Variants in SNTG2 observed in about 807,000 individuals in gnomAD.
The protein encoded by SNTG2 is syntrophin gamma 2.
Under a neutral mutation model 70.9 loss-of-function variants are expected in SNTG2, and 74 were observed. That is an observed-to-expected ratio of 1.04 (90% CI 0.86 to 1.27). SNTG2 has a LOEUF of 1.27. Among genes scored for constraint, SNTG2 ranks in the 50% most tolerant of loss-of-function variants. The pLI is 0.00. For missense variants in SNTG2, 717 were observed against 690.7 expected (o/e 1.04, Z -0.43); for synonymous variants, 278 against 273.8 (o/e 1.02, Z -0.15).
chr2:1,172,391 A>T (rs183910076), intron 7 of SNTG2, among the ~76,000 whole-genome samples: 97 of 152,352 alleles, frequency 6.4e-4, no homozygotes, highest in Admixed American at 1.6e-3. Flanking sequence ...ACACTAAGCC[A>T]CATGGGAGCT....
In SNTG2 at chr2:1,209,166, A is replaced by G; in HGVS notation, c.655A>G (p.Thr219Ala). 6.2e-7 allele frequency: 1 copy of G among 1,613,938 alleles called. No individual in the cohort carries two copies. Among genetic ancestry groups the G allele is most frequent in the Non-Finnish European group, 8.5e-7 (1 of 1,179,884 alleles). ...GAGGTATGAGAAGCGCTGGCTGGACACCTTGTCCGTGCCTCTGTCCATGGC... is the reference window on the plus strand; with the variant it reads ...GAGGTATGAGAAGCGCTGGCTGGACGCCTTGTCCGTGCCTCTGTCCATGGC... ...DPRYEKRWLD[T>A]LSVPLSMARI... The change falls in exon 9 of 17, where the codon ACC becomes GCC. Residue 219 changes from threonine to alanine, a missense_variant. Physicochemically the swap from Thr to Ala is moderately conservative, Grantham distance 58. Coordinates refer to ENST00000308624, the MANE Select transcript of SNTG2 (RefSeq NM_018968.4).
chr2:954,372 G>GA (rs144540876), intron 1 of SNTG2, among the ~76,000 whole-genome samples: 5,968 of 152,156 alleles, frequency 0.039, 381 homozygotes, highest in African/African-American at 0.14. Context: ...TCTTTAATTA[G>GA]TTCTAGAGGT....
At chr2:1,314,512 T>A (rs1177925397) in intron 15 of SNTG2, among the ~76,000 whole-genome samples, 1 of 151,920 alleles carries the variant, frequency 6.6e-6, no homozygotes, top group African/African-American at 2.4e-5. Flanking sequence ...AGGGCAGGAG[T>A]GGCTCGGGCA....
At chr2:1,233,795 C>T (rs28727515) in intron 9 of SNTG2, among the ~76,000 whole-genome samples, 48,194 of 151,964 alleles carry the variant, frequency 0.32, 9,103 homozygotes, top group African/African-American at 0.53. Context: ...TCTAAGGGCA[C>T]GAGGAAACCC....
intron 1 of SNTG2, among the ~76,000 whole-genome samples, chr2:969,258 C>A (rs1377148169): frequency 6.6e-6 from 1 of 152,058 alleles, no homozygotes; most frequent in African/African-American, 2.4e-5. Flanking sequence ...GCTGTTTTGG[C>A]CACTGTAGCT....
intron 1 of SNTG2, among the ~76,000 whole-genome samples, chr2:965,510 G>A (rs1236825661): frequency 6.9e-6 from 1 of 145,270 alleles, no homozygotes; most frequent in Non-Finnish European, 1.5e-5. Flanking sequence ...GTCTTCTTCA[G>A]GGTCCCCTCC....
chr2:971,630 G>GT (rs1484551032), intron 1 of SNTG2, among the ~76,000 whole-genome samples: 2 of 148,686 alleles, frequency 1.3e-5, no homozygotes, highest in Non-Finnish European at 3.0e-5. Context: ...TCTTTTGTAT[G>GT]TTTTTTCATG....
chr2:1,323,911 G>T (rs1157023739), intron 16 of SNTG2, among the ~76,000 whole-genome samples: 2 of 150,916 alleles, frequency 1.3e-5, no homozygotes, highest in Non-Finnish European at 3.0e-5. Flanking sequence ...CAGTCACATT[G>T]CTGAGACCTC....
At chr2:1,061,636 G>A (rs1407218077) in intron 1 of SNTG2, among the ~76,000 whole-genome samples, 3 of 152,320 alleles carry the variant, frequency 2.0e-5, no homozygotes, top group South Asian at 4.1e-4. Flanking sequence ...AAATCATAAA[G>A]GAAATTGTGG....
intron 6 of SNTG2, among the ~76,000 whole-genome samples, chr2:1,164,034 G>A (rs763035602): frequency 2.6e-4 from 39 of 152,210 alleles, no homozygotes; most frequent in Non-Finnish European, 5.1e-4. Context: ...TGACGGGCAT[G>A]GAAAGTGACT....
At chr2:1,330,394 C>T (rs1659462335) in intron 16 of SNTG2, among the ~76,000 whole-genome samples, 1 of 152,150 alleles carries the variant, frequency 6.6e-6, no homozygotes, top group African/African-American at 2.4e-5. Context: ...TACTGCCTAG[C>T]TAATTCCCTA....
chr2:1,086,485 A>G (rs62107371), intron 2 of SNTG2, among the ~76,000 whole-genome samples: 48 of 152,206 alleles, frequency 3.2e-4, no homozygotes, highest in Admixed American at 2.9e-3. Flanking sequence ...ATCTGCCCTC[A>G]TGGGGGTTTG....
intron 11 of SNTG2, among the ~76,000 whole-genome samples, chr2:1,245,210 A>G (rs1340708549): frequency 6.6e-6 from 1 of 151,548 alleles, no homozygotes; most frequent in Non-Finnish European, 1.5e-5. Context: ...AACATGGCAC[A>G]TGTATACATA....
intron 4 of SNTG2, among the ~76,000 whole-genome samples, chr2:1,111,018 C>G (rs1282336161): frequency 6.6e-6 from 1 of 152,180 alleles, no homozygotes; most frequent in Non-Finnish European, 1.5e-5. Context: ...CTGTCACAAG[C>G]CAAAATCTGC....
chr2:1,208,884 G>A lies in SNTG2; in HGVS notation c.592-219G>A, dbSNP rs4971413. Among the ~76,000 whole-genome samples, 34,775 of 151,862 alleles carry A rather than the reference G, an allele frequency of 0.23. 4,758 individuals are homozygous for A. Among genetic ancestry groups the A allele is most frequent in the East Asian group, 0.42 (2,181 of 5,152 alleles). ...CCTTCCCTTCAGCTTCTTCTCTTTC[G>A]TGCAATTTGCAGTTGGAAAACAGCG... On this transcript the variant is annotated intron_variant, in intron 8 of 16. Coordinates refer to ENST00000308624, the MANE Select transcript of SNTG2 (RefSeq NM_018968.4).
Position 1,134,526 on chromosome 2 carries a change from C to G in SNTG2, c.326-3096C>G, listed in dbSNP as rs143807184. Among the ~76,000 whole-genome samples, 1,257 of 151,966 alleles carry G rather than the reference C, an allele frequency of 8.3e-3. 6 individuals carry two copies. The highest frequency in any genetic ancestry group is 9.5e-3 in the Non-Finnish European group (642 of 67,928). On this transcript the variant is annotated intron_variant, in intron 4 of 16. Coordinates refer to ENST00000308624, the MANE Select transcript of SNTG2 (RefSeq NM_018968.4). ...GATTGGTGCATTCACAAACCCTGAGCTAGACACAGGATGCTGATTGGTGTG... is the reference window on the plus strand; with the variant it reads ...GATTGGTGCATTCACAAACCCTGAGGTAGACACAGGATGCTGATTGGTGTG...
At chr2:1,355,124 T>C (rs1324734765) in intron 16 of SNTG2, among the ~76,000 whole-genome samples, 1 of 152,250 alleles carries the variant, frequency 6.6e-6, no homozygotes, top group Non-Finnish European at 1.5e-5. Flanking sequence ...CTCTCAACGT[T>C]AGTGCCATTT....
rs1051490332 is a variant in SNTG2 at position 1,207,086 on chromosome 2, C to T, written c.592-2017C>T. 3.9e-5 allele frequency among the ~76,000 whole-genome samples: 6 copies of T among 152,146 alleles called. 1 individual carries two copies. The highest frequency in any genetic ancestry group is 2.0e-4 in the Admixed American group (3 of 15,276). ...TGTATAGGGATAATTAAAACCTTGC[C>T]ACAGTATGCAGTCATTTATAATGAA... On this transcript the variant is annotated intron_variant, in intron 8 of 16. Coordinates refer to ENST00000308624, the MANE Select transcript of SNTG2 (RefSeq NM_018968.4).
intron 14 of SNTG2, among the ~76,000 whole-genome samples, chr2:1,292,972 C>T (rs1404088205): frequency 2.0e-5 from 3 of 152,126 alleles, no homozygotes; most frequent in Non-Finnish European, 4.4e-5. Context: ...AACTATCTGG[C>T]CCTTGGCTTT....
Sources: allele counts gnomAD v4.1 joint callset (sites outside exome capture counted in the v4.1 genomes callset), GRCh38; gene constraint gnomAD v4.1.1; transcripts MANE v1.5; gene names NCBI Gene and HGNC (gene_info 2026-07-23, HGNC 2026-07-21).